LYRM4: variants seen among roughly 807,000 people sequenced by gnomAD.
The protein encoded by LYRM4 is LYR motif containing 4, also known as LYR motif-containing protein 4.
LYRM4 carries 9 observed loss-of-function variants against 11.7 expected under a neutral mutation model. That is an observed-to-expected ratio of 0.77 (90% confidence interval 0.46 to 1.34). The LOEUF is 1.34. Ranked by LOEUF, LYRM4 falls within the 40% of genes most tolerant of loss-of-function variation. The pLI is 0.00. For synonymous variants in LYRM4, 42 were observed against 40.4 expected (o/e 1.04, Z -0.15); for missense variants, 133 against 112.5 (o/e 1.18, Z -0.82).
intron 2 of LYRM4, chr6:5,186,798 A>C (rs2127685517): frequency 8.3e-6 from 5 of 600,428 alleles, no homozygotes; most frequent in South Asian, 6.9e-5. Context: ...AGCCTGACTA[A>C]TACAGTGAAA....
At position 5,109,321 on chromosome 6, in the gene LYRM4, G is replaced by A. The variant is rs149371287; in HGVS notation, c.*102C>T. 3.2e-4 allele frequency: 501 copies of A among 1,583,084 alleles called. 4 individuals carry two copies. In the East Asian group the frequency reaches 9.2e-3, roughly 29 times the overall value. On this transcript the variant is annotated 3_prime_UTR_variant, in exon 3 of 3. Coordinates refer to ENST00000330636, the MANE Select transcript of LYRM4 (RefSeq NM_020408.6). ...TATCAGCTCCCACAGGACAGGCAGCGCAAAAGGCTATTGTAAGCTGGTTTT... is the reference window on the plus strand; with the variant it reads ...TATCAGCTCCCACAGGACAGGCAGCACAAAAGGCTATTGTAAGCTGGTTTT...
chr6:5,032,233 G>A, the LYRM4 span: 22 of 152,298 alleles, frequency 1.4e-4, no homozygotes, highest in Non-Finnish European at 2.5e-4. Context: ...AAACCAAGGC[G>A]TAATAAGGGA....
chr6:5,143,027 A>G (rs1757495006), intron 2 of LYRM4, among the ~76,000 whole-genome samples: 1 of 152,224 alleles, frequency 6.6e-6, no homozygotes, highest in South Asian at 2.1e-4. Context: ...CATTCCGGAT[A>G]TGCTCTGTCC....
rs8980 is a variant in LYRM4 at position 5,108,500 on chromosome 6, G to C, written c.*923C>G. On this transcript the variant is annotated 3_prime_UTR_variant, in exon 3 of 3. Coordinates refer to ENST00000330636, the MANE Select transcript of LYRM4 (RefSeq NM_020408.6). Reference sequence around the variant, plus strand: ...CCCAGTTGGTTAAACATTGAAAACAGTGGGAGAGCTTCAGAATAGAGAAAA... The same window carrying C: ...CCCAGTTGGTTAAACATTGAAAACACTGGGAGAGCTTCAGAATAGAGAAAA... 171,570 of 797,086 alleles carry C rather than the reference G, an allele frequency of 0.22. 19,520 individuals carry two copies. The highest frequency in any genetic ancestry group is 0.32 in the African/African-American group (17,195 of 53,510). The allele number at this position is 797,086 out of a possible 1,614,324, so 49.4% of individuals were successfully genotyped here.
chr6:5,095,298 T>G, the LYRM4 span, among the ~76,000 whole-genome samples: 2 of 152,270 alleles, frequency 1.3e-5, no homozygotes, highest in Admixed American at 1.3e-4. Context: ...ACAAACTAAA[T>G]TTAACAGAGT....
chr6:5,260,605 C>CG, intron 1 of LYRM4, 43 bp downstream of exon 1: 3 of 822,288 alleles, frequency 3.6e-6, no homozygotes, highest in Non-Finnish European at 3.9e-6. Flanking sequence ...CGGTCCCCGG[C>CG]CCCTGGCCCC....
intron 2 of LYRM4, among the ~76,000 whole-genome samples, chr6:5,194,814 C>CAAACTCA (rs1042420129): frequency 1.5e-4 from 23 of 152,174 alleles, no homozygotes; most frequent in African/African-American, 5.1e-4. Context: ...GCCTCAAACT[C>CAAACTCA]CTGGGCTCAA....
chr6:5,169,033 T>C (rs932669338), intron 2 of LYRM4, among the ~76,000 whole-genome samples: 2 of 152,066 alleles, frequency 1.3e-5, no homozygotes, highest in African/African-American at 4.8e-5. Flanking sequence ...TTCTTGAAAA[T>C]TTGCAATGTA....
intron 2 of LYRM4, among the ~76,000 whole-genome samples, chr6:5,174,350 A>G (rs941166080): frequency 6.6e-6 from 1 of 152,204 alleles, no homozygotes; most frequent in Non-Finnish European, 1.5e-5. Flanking sequence ...TACTAAGGAC[A>G]GTGTCACCTT....
At chr6:5,203,044 A>C (rs1761479444) in intron 2 of LYRM4, among the ~76,000 whole-genome samples, 1 of 152,148 alleles carries the variant, frequency 6.6e-6, no homozygotes, top group African/African-American at 2.4e-5. Flanking sequence ...GTACTTGTCC[A>C]CCTCTACAGG....
chr6:5,148,472 G>GGTGGGGC (rs1491588162), intron 2 of LYRM4: 6 of 163,498 alleles, frequency 3.7e-5, no homozygotes, highest in East Asian at 3.8e-4. Flanking sequence ...GAGCTGGGCT[G>GGTGGGGC]AGGGGGCAGA....
the LYRM4 span, among the ~76,000 whole-genome samples, chr6:5,056,443 G>A: frequency 3.3e-5 from 5 of 152,130 alleles, no homozygotes; most frequent in African/African-American, 1.2e-4. Flanking sequence ...TTGTCAAACT[G>A]TCCACACTAT....
In LYRM4 at chr6:5,208,454, C is replaced by G. The variant is rs578238810; in HGVS notation, c.207+8164G>C. 5.6e-4 allele frequency among the ~76,000 whole-genome samples: 86 copies of G among 152,294 alleles called. 2 individuals are homozygous for G. In the Middle Eastern group the frequency reaches 0.014, roughly 24 times the overall value. On this transcript the variant is annotated intron_variant, in intron 2 of 2. Coordinates refer to ENST00000330636, the MANE Select transcript of LYRM4 (RefSeq NM_020408.6). ...AAGGATGGATATCATAATAAAAATT[C>G]CCAAATGAAACTCTTGCAAAAGTTT...
At chr6:5,154,649 T>C (rs982883378) in intron 2 of LYRM4, among the ~76,000 whole-genome samples, 1 of 152,110 alleles carries the variant, frequency 6.6e-6, no homozygotes, top group Non-Finnish European at 1.5e-5. Flanking sequence ...ACCCTGTCTG[T>C]ACTAAAAACA....
At chr6:5,212,993 G>A (rs569800949) in intron 2 of LYRM4, among the ~76,000 whole-genome samples, 1 of 152,308 alleles carries the variant, frequency 6.6e-6, no homozygotes, top group East Asian at 1.9e-4. Context: ...CCTCAGGGTT[G>A]CCAGAATGAA....
At chr6:5,124,511 G>A (rs924523994) in intron 2 of LYRM4, among the ~76,000 whole-genome samples, 3 of 152,032 alleles carry the variant, frequency 2.0e-5, no homozygotes, top group South Asian at 2.1e-4. Context: ...CTATGCCTCC[G>A]ACTGGCCTAA....
chr6:5,203,307 C>A (rs368759200), intron 2 of LYRM4, among the ~76,000 whole-genome samples: 4 of 152,176 alleles, frequency 2.6e-5, no homozygotes, highest in Non-Finnish European at 4.4e-5. Context: ...GAGGAAAAGA[C>A]AACTGTGAAA....
the LYRM4 span, among the ~76,000 whole-genome samples, chr6:5,091,283 C>G: frequency 1.3e-5 from 2 of 152,174 alleles, no homozygotes; most frequent in African/African-American, 2.4e-5. Flanking sequence ...GTGGTCCTGG[C>G]TGTCTTGAGT....
intron 2 of LYRM4, among the ~76,000 whole-genome samples, chr6:5,195,652 A>G (rs1761010276): frequency 6.6e-6 from 1 of 151,938 alleles, no homozygotes; most frequent in African/African-American, 2.4e-5. Flanking sequence ...ACAAAACAAA[A>G]CAAAGAACCC....
Sources: allele counts gnomAD v4.1 joint callset (sites outside exome capture counted in the v4.1 genomes callset), GRCh38; gene constraint gnomAD v4.1.1; transcripts MANE v1.5; gene names NCBI Gene and HGNC (gene_info 2026-07-23, HGNC 2026-07-21).